The following SDC4 variants were observed in gnomAD, a reference collection of about 807,000 sequenced individuals.
SDC4 encodes syndecan-4.
Under a neutral mutation model 20.5 loss-of-function variants are expected in SDC4, and 17 were observed. That is an observed-to-expected ratio of 0.83 (90% confidence interval 0.57 to 1.25). The LOEUF is 1.25. Ranked by LOEUF, SDC4 falls within the 50% of genes most tolerant of loss-of-function variation. The pLI is 0.00. For missense variants in SDC4, 241 were observed against 252.3 expected (o/e 0.96, Z 0.30); for synonymous variants, 107 against 105.3 (o/e 1.02, Z -0.10).
Position 45,327,403 on chromosome 20 carries a change from C to G in SDC4, c.458G>C (p.Gly153Ala), listed in dbSNP as rs553724239. 23 of 1,613,970 alleles carry G rather than the reference C, an allele frequency of 1.4e-5. No individual in the cohort carries two copies. The South Asian group carries it at 2.3e-4, about 16-fold the overall frequency. ...RTEVLAALIVGGIVGILFAVF... is the reference protein window; with the variant it reads ...RTEVLAALIVAGIVGILFAVF... ...GGCAAAGAGGATGCCCACGATGCCA[C>G]CCACAATCAGAGCTGGAGAGGAGGA... is the stretch of plus-strand genomic sequence containing the variant. The change falls in exon 5 of 5, where the codon GGT (glycine) becomes GCT (alanine). Residue 153 changes from glycine (G) to alanine (A), a missense_variant. By Grantham distance (60) the Gly-to-Ala change is moderately conservative. Transcript: ENST00000372733.
intron 1 of SDC4, among the ~76,000 whole-genome samples, chr20:45,337,586 C>G (rs1987891636): frequency 6.6e-6 from 1 of 152,242 alleles, no homozygotes; most frequent in Non-Finnish European, 1.5e-5. Flanking sequence ...TCAGCTGAGA[C>G]TGCCATTGAC....
chr20:45,334,278 T>G (rs1987827149), intron 2 of SDC4, among the ~76,000 whole-genome samples: 1 of 152,052 alleles, frequency 6.6e-6, no homozygotes, highest in South Asian at 2.1e-4. Flanking sequence ...ATTACAGGTG[T>G]AAGCCACCGC....
intron 3 of SDC4, among the ~76,000 whole-genome samples, chr20:45,331,621 C>G (rs1285778238): frequency 6.6e-6 from 1 of 152,134 alleles, no homozygotes; most frequent in African/African-American, 2.4e-5. Flanking sequence ...CAAAAACCAC[C>G]AAAAACAGGA....
intron 1 of SDC4, among the ~76,000 whole-genome samples, chr20:45,347,086 T>C (rs143710056): frequency 6.6e-6 from 1 of 152,290 alleles, no homozygotes; most frequent in Non-Finnish European, 1.5e-5. Context: ...TAGAGCAATG[T>C]CTGGCCCCCC....
intron 1 of SDC4, among the ~76,000 whole-genome samples, chr20:45,339,550 A>G (rs1379858094): frequency 6.6e-6 from 1 of 152,208 alleles, no homozygotes; most frequent in East Asian, 1.9e-4. Context: ...AGAGTTTGAG[A>G]TCAGCCTGGG....
chr20:45,338,765 A>T (rs1987912210), intron 1 of SDC4, among the ~76,000 whole-genome samples: 1 of 151,924 alleles, frequency 6.6e-6, no homozygotes, highest in South Asian at 2.1e-4. Flanking sequence ...TTCATCCTTA[A>T]CCCTTCATTT....
chr20:45,325,633 C>CT lies in SDC4; in HGVS notation c.*1630_*1631insA, dbSNP rs1350990254. The CT allele has an allele frequency of 1.1e-5, 1 of 90,182 alleles. No individual in the cohort carries two copies. Among genetic ancestry groups the CT allele is most frequent in the Non-Finnish European group, 2.2e-5 (1 of 45,280 alleles). The allele number at this position is 90,182 out of a possible 1,614,324, so 5.6% of individuals were successfully genotyped here. Reference sequence around the variant, plus strand: ...TCATCAGCCCTCCCCCATTCCCCCCCCCCTACCCAGGGAGACAAGGGTCGT... The same window carrying CT: ...TCATCAGCCCTCCCCCATTCCCCCCCTCCCTACCCAGGGAGACAAGGGTCGT... On this transcript the variant is annotated 3_prime_UTR_variant, in exon 5 of 5. Transcript: ENST00000372733.
In SDC4 at chr20:45,348,385, G is replaced by A. The variant is rs1397850339; in HGVS notation, c.-1C>T. On this transcript the variant is annotated 5_prime_UTR_variant, in exon 1 of 5. Coordinates refer to ENST00000372733, the MANE Select transcript of SDC4 (RefSeq NM_002999.4). ...GCGCGAACAGACGGGCGGGGGCCATGGCACCGCGGACTGGAGAAGGCGCGC... is the reference window on the plus strand; with the variant it reads ...GCGCGAACAGACGGGCGGGGGCCATAGCACCGCGGACTGGAGAAGGCGCGC... The A allele has an allele frequency of 7.0e-6, 11 of 1,574,280 alleles. No homozygotes were observed. Among genetic ancestry groups the A allele is most frequent in the Non-Finnish European group, 9.5e-6 (11 of 1,162,654 alleles).
Position 45,327,306 on chromosome 20 carries a change from T to A in SDC4, c.555A>T (p.Lys185Asn), listed in dbSNP as rs755130639. The change falls in exon 5 of 5, where the codon AAA becomes AAT. Residue 185 changes from lysine to asparagine, a missense_variant. Coordinates refer to ENST00000372733, the MANE Select transcript of SDC4 (RefSeq NM_002999.4). The part of the protein sequence containing the change: ...KDEGSYDLGK[K>N]PIYKKAPTNE... ...TGGTGGGGGCTTTCTTGTAGATGGG[T>A]TTCTTGCCCAGGTCATAGCTGCCTT... 2 of 1,614,096 alleles carry A rather than the reference T, an allele frequency of 1.2e-6. No homozygotes were observed. Among genetic ancestry groups the A allele is most frequent in the Non-Finnish European group, 1.7e-6 (2 of 1,180,018 alleles).
intron 1 of SDC4, among the ~76,000 whole-genome samples, chr20:45,343,571 C>G: frequency 6.6e-6 from 1 of 152,156 alleles, no homozygotes; most frequent in Non-Finnish European, 1.5e-5. Flanking sequence ...AACATAAACC[C>G]ATTCGATAAT....
At chr20:45,334,098 G>A (rs1210468721) in intron 2 of SDC4, among the ~76,000 whole-genome samples, 4 of 151,292 alleles carry the variant, frequency 2.6e-5, no homozygotes, top group South Asian at 2.1e-4. Flanking sequence ...GGGTTCAAGC[G>A]ATTCTCCTGC....
chr20:45,348,015 G>A (rs1988058126), intron 1 of SDC4, among the ~76,000 whole-genome samples: 1 of 152,166 alleles, frequency 6.6e-6, no homozygotes, highest in Non-Finnish European at 1.5e-5. Flanking sequence ...CACCAGGGAA[G>A]GGACGAGGGT....
rs1369546280 is a variant in SDC4 at position 45,335,945 on chromosome 20, C to T, written c.61-25G>A. 1.9e-6 allele frequency: 3 copies of T among 1,604,198 alleles called. No individual in the cohort carries two copies. In the South Asian group the frequency reaches 3.3e-5, roughly 18 times the overall value. On this transcript the variant is annotated intron_variant, in intron 1 of 4. Coordinates refer to ENST00000372733, the MANE Select transcript of SDC4 (RefSeq NM_002999.4). ...TCTAAGATAAAGAAAGGAGACACAT[C>T]AGCCAACATCCCCAGTGCTCCATGA...
intron 1 of SDC4, among the ~76,000 whole-genome samples, chr20:45,341,741 A>G (rs747933372): frequency 6.6e-6 from 1 of 152,090 alleles, no homozygotes; most frequent in Non-Finnish European, 1.5e-5. Context: ...ACTGCCTGCA[A>G]CCAGCTTTTC....
At position 45,327,250 on chromosome 20, in the gene SDC4, C is replaced by A; in HGVS notation, c.*14G>T. 2 of 1,613,916 alleles carry A rather than the reference C, an allele frequency of 1.2e-6. No homozygotes were observed. The highest frequency in any genetic ancestry group is 2.2e-5 in the East Asian group (1 of 44,862). ...CTCCCCGCTAAAGTCCAAGCCAGTG[C>A]CCACAAGCAAGCTTCACGCGTAGAA... On this transcript the variant is annotated 3_prime_UTR_variant, in exon 5 of 5. Coordinates refer to ENST00000372733, the MANE Select transcript of SDC4 (RefSeq NM_002999.4).
At chr20:45,329,707 C>T (rs1987746850) in intron 4 of SDC4, among the ~76,000 whole-genome samples, 1 of 152,232 alleles carries the variant, frequency 6.6e-6, no homozygotes, top group South Asian at 2.1e-4. Flanking sequence ...GGCTGGCCCT[C>T]GGCCATGACC....
Position 45,332,955 on chromosome 20 carries a change from T to G in SDC4, c.246+68A>C. The G allele has an allele frequency of 2.1e-6, 3 of 1,447,316 alleles. No homozygotes were observed. In the South Asian group the frequency reaches 3.4e-5, roughly 17 times the overall value. 89.7% of individuals were successfully genotyped at this position (1,447,316 alleles called of 1,614,324 possible). A position where few individuals can be genotyped will look rare whatever the true frequency, so the allele number is the denominator to read the frequency against. ...TATTCTGCCTATGGGGGCTGTATTT[T>G]CTGCCTCTCCCAATAGGTCTGCTAT... On this transcript the variant is annotated intron_variant, in intron 3 of 4. Coordinates refer to ENST00000372733, the MANE Select transcript of SDC4 (RefSeq NM_002999.4).
intron 1 of SDC4, 39 bp from the exon 2 acceptor site, chr20:45,335,959 A>G: frequency 6.3e-7 from 1 of 1,598,638 alleles, no homozygotes; most frequent in Non-Finnish European, 8.5e-7. Context: ...CAACATCCCC[A>G]GTGCTCCATG....
Position 45,330,549 on chromosome 20 carries a change from G to C in SDC4, c.262C>G (p.His88Asp). 1.2e-6 allele frequency: 2 copies of C among 1,614,062 alleles called. No homozygotes were observed. Among genetic ancestry groups the C allele is most frequent in the East Asian group, 2.2e-5 (1 of 44,880 alleles). The change falls in exon 4 of 5, where the codon CAT becomes GAT. Residue 88 changes from histidine (H) to aspartate (D), a missense_variant. Transcript: ENST00000372733. ...VVHPLVPLDN[H>D]IPERAGSGSQ... ...CCAGACCCTGCCCTCTCAGGGATAT[G>C]GTTATCTAGAGGCACCTGGATGGGC...
Sources: gnomAD v4.1 joint callset for allele counts (sites outside exome capture counted in the v4.1 genomes callset) on GRCh38, gnomAD v4.1.1 for gene constraint, MANE v1.5 for transcripts, NCBI Gene and HGNC (gene_info 2026-07-23, HGNC 2026-07-21) for gene names.